Variants in HYAL1 observed in about 807,000 individuals in gnomAD.
The protein encoded by HYAL1 is hyaluronidase 1.
A neutral mutation model predicts 28.8 loss-of-function variants in HYAL1; 21 were observed. That is an observed-to-expected ratio of 0.73 (90% CI 0.52 to 1.05). HYAL1 has a LOEUF of 1.05. Ranked by LOEUF, HYAL1 falls within the 50% of genes least tolerant of loss-of-function variation. The pLI is 0.00. For missense variants in HYAL1, 491 were observed against 579.2 expected (o/e 0.85, Z 1.56); for synonymous variants, 200 against 230.1 (o/e 0.87, Z 1.18).
upstream of HYAL1, among the ~76,000 whole-genome samples, chr3:50,305,762 C>A (rs1702325206): frequency 6.6e-6 from 1 of 151,240 alleles, no homozygotes; most frequent in Admixed American, 6.6e-5. Flanking sequence ...TCTTGAACTC[C>A]TGACCTTGTG....
chr3:50,301,195 G>A, intron 2 of HYAL1, 118 bp from the exon 3 acceptor site: 4 of 660,770 alleles, frequency 6.1e-6, no homozygotes, highest in South Asian at 5.5e-5. Context: ...CTCTGGCCAT[G>A]GGACCAGAGG....
intron 2 of HYAL1, among the ~76,000 whole-genome samples, chr3:50,301,757 C>A (rs1351370869): frequency 6.6e-6 from 1 of 152,054 alleles, no homozygotes; most frequent in Non-Finnish European, 1.5e-5. Flanking sequence ...TTGAGACCAT[C>A]CTGGCTAACA....
At chr3:50,307,775 G>A (rs1456930255), upstream of HYAL1, among the ~76,000 whole-genome samples, 2 of 147,820 alleles carry the variant, frequency 1.4e-5, no homozygotes, top group East Asian at 3.9e-4. Context: ...AACAGTCAGT[G>A]TAAGTCACAA....
intron 1 of HYAL1, among the ~76,000 whole-genome samples, chr3:50,311,174 C>T (rs1553714700): frequency 6.6e-6 from 1 of 151,306 alleles, no homozygotes. Flanking sequence ...CCAGTAGGGG[C>T]AGCCGGGCAG....
upstream of HYAL1, chr3:50,303,652 G>A (rs1346928974): frequency 1.3e-5 from 2 of 152,322 alleles, no homozygotes; most frequent in Non-Finnish European, 2.9e-5. Flanking sequence ...GCGGGCCTTG[G>A]ATTAGGAGGC....
intron 1 of HYAL1, among the ~76,000 whole-genome samples, chr3:50,310,635 G>A (rs1160874606): frequency 7.4e-5 from 11 of 147,914 alleles, no homozygotes; most frequent in South Asian, 2.2e-4. Context: ...TCATTCTTGG[G>A]TGTTTCTCGC....
At position 50,309,232 on chromosome 3, in the gene HYAL1, G is replaced by A. The variant is rs149535060; in HGVS notation, c.-191+427C>T. ...TAATCCCAGCACTTTGGGAGGCCAAGGTGGGCAAATCACCTGAGGTTGTGA... is the reference window on the plus strand; with the variant it reads ...TAATCCCAGCACTTTGGGAGGCCAAAGTGGGCAAATCACCTGAGGTTGTGA... On this transcript the variant is annotated intron_variant, in intron 2 of 5. Transcript: ENST00000320295. 9.6e-3 allele frequency among the ~76,000 whole-genome samples: 1,442 copies of A among 149,618 alleles called. 98 individuals carry two copies. The highest frequency in any genetic ancestry group is 0.035 in the African/African-American group (1,383 of 39,964).
chr3:50,305,596 C>T (rs1158469514), upstream of HYAL1, among the ~76,000 whole-genome samples: 3 of 142,572 alleles, frequency 2.1e-5, no homozygotes, highest in Non-Finnish European at 4.6e-5. Flanking sequence ...AGTGCAATGG[C>T]ATGATCTCGG....
rs782484163 is a variant in HYAL1 at position 50,302,870 on chromosome 3, G to T, written c.87C>A (p.Asn29Lys). Residue 29 changes from asparagine to lysine, a missense_variant, in exon 2 of 4, where the codon AAC becomes AAA. Physicochemically the swap from Asn to Lys is moderately conservative, Grantham distance 94. Coordinates refer to ENST00000395144, the MANE Select transcript of HYAL1 (RefSeq NM_033159.4). The surrounding 1 kb of genome is among the most constrained non-coding windows in gnomAD (Gnocchi z 5.0). ...CATTCCAGACGGTGGTGAAGGGCCGGTTGGGTAGCAAGGGGCCCCTAAAGC... is the reference window on the plus strand; with the variant it reads ...CATTCCAGACGGTGGTGAAGGGCCGTTTGGGTAGCAAGGGGCCCCTAAAGC... ...AQGFRGPLLP[N>K]RPFTTVWNAN... is the part of the protein sequence containing the mutation. The T allele has an allele frequency of 5.0e-6, 8 of 1,613,214 alleles. No homozygotes were observed. In the Admixed American group the frequency reaches 5.0e-5, roughly 10 times the overall value.
chr3:50,311,997 G>A (rs1278931498), intron 1 of HYAL1, among the ~76,000 whole-genome samples: 1 of 142,560 alleles, frequency 7.0e-6, no homozygotes, highest in Non-Finnish European at 1.6e-5. Context: ...TCTCCCGGAC[G>A]GGGCGGCTGG....
At chr3:50,310,272 T>G (rs1239980164) in intron 1 of HYAL1, among the ~76,000 whole-genome samples, 2 of 149,458 alleles carry the variant, frequency 1.3e-5, no homozygotes, top group African/African-American at 2.5e-5. Context: ...TGTGTTTTTT[T>G]TTTTTTTTTT....
chr3:50,300,971 G>A lies in HYAL1; in HGVS notation c.990+17C>T. 2.5e-6 allele frequency: 3 copies of A among 1,218,296 alleles called. No individual in the cohort carries two copies. The highest frequency in any genetic ancestry group is 3.4e-6 in the Non-Finnish European group (3 of 884,218). The allele number at this position is 1,218,296 out of a possible 1,614,324, so 75.5% of individuals were successfully genotyped here. A position where few individuals can be genotyped will look rare whatever the true frequency, so the allele number is the denominator to read the frequency against. ...ACCCCTCCCCCACCCCCACCCTCAT[G>A]CCAGGCCTAAGCTCACCTTGGTTCT... On this transcript the variant is annotated intron_variant, in intron 3 of 3. Transcript: ENST00000395144.
chr3:50,300,552 A>G lies in HYAL1; in HGVS notation c.1239T>C (p.Ala413=), dbSNP rs1553712410. ...ALSLEDQAQM[A]VEFKCRCYPG... ...GGTAGCATCGACATTTGAACTCCAC[A>G]GCCATCTGTGCCTGATCTTCAAGTG... The change falls in exon 4 of 4, where the codon GCT becomes GCC. Residue 413 remains alanine, a synonymous_variant. Coordinates refer to ENST00000395144, the MANE Select transcript of HYAL1 (RefSeq NM_033159.4). 6.2e-7 allele frequency: 1 copy of G among 1,614,220 alleles called. No individual in the cohort carries two copies. Among genetic ancestry groups the G allele is most frequent in the South Asian group, 1.1e-5 (1 of 91,088 alleles).
At chr3:50,306,292 C>A (rs782655926), upstream of HYAL1, among the ~76,000 whole-genome samples, 2 of 137,760 alleles carry the variant, frequency 1.5e-5, no homozygotes, top group East Asian at 4.6e-4. Flanking sequence ...GCTTCCATGA[C>A]GATGGAAGGC....
At chr3:50,308,462 T>A (rs1047987837), upstream of HYAL1, among the ~76,000 whole-genome samples, 5 of 149,772 alleles carry the variant, frequency 3.3e-5, no homozygotes, top group Admixed American at 2.0e-4. Context: ...TATTATTATT[T>A]TTTGAGATGG....
At chr3:50,305,545 A>AT (rs1252898503), upstream of HYAL1, among the ~76,000 whole-genome samples, 20 of 104,838 alleles carry the variant, frequency 1.9e-4, no homozygotes, top group African/African-American at 7.2e-4. Flanking sequence ...GCCTGGCCTA[A>AT]TTTTTTTTTA....
At chr3:50,306,940 C>T (rs782685781), upstream of HYAL1, among the ~76,000 whole-genome samples, 4 of 150,692 alleles carry the variant, frequency 2.7e-5, no homozygotes, top group African/African-American at 2.5e-5. Context: ...CATGGTGGCC[C>T]ACACCTATAA....
Position 50,302,733 on chromosome 3 carries a change from T to C in HYAL1, c.224A>G (p.Tyr75Cys), listed in dbSNP as rs1553713357. 2 of 1,613,972 alleles carry C rather than the reference T, an allele frequency of 1.2e-6. No individual in the cohort carries two copies. Among genetic ancestry groups the C allele is most frequent in the East Asian group, 2.2e-5 (1 of 44,880 alleles). ...TFRGPDMTIF[Y>C]SSQLGTYPYY... Reference sequence around the variant, plus strand: ...GGGGTAGGTGCCCAGCTGGGAGCTATAGAAAATTGTCATGTCAGGGCCGCG... The same window carrying C: ...GGGGTAGGTGCCCAGCTGGGAGCTACAGAAAATTGTCATGTCAGGGCCGCG... Residue 75 changes from tyrosine to cysteine, a missense_variant, in exon 2 of 4, where the codon TAT (tyrosine) becomes TGT (cysteine). Coordinates refer to ENST00000395144, the MANE Select transcript of HYAL1 (RefSeq NM_033159.4). This position sits in a 1 kb window ranked among gnomAD's most constrained non-coding sequence, Gnocchi z 5.0.
At position 50,302,874 on chromosome 3, in the gene HYAL1, G is replaced by C; in HGVS notation, c.83C>G (p.Pro28Arg). 6.2e-7 allele frequency: 1 copy of C among 1,612,988 alleles called. No individual in the cohort carries two copies. The change falls in exon 2 of 4, where the codon CCC becomes CGC. Residue 28 changes from proline to arginine, a missense_variant. Physicochemically the swap from Pro to Arg is moderately radical, Grantham distance 103 (BLOSUM62 -2). Transcript: ENST00000395144. The surrounding 1 kb of genome is among the most constrained non-coding windows in gnomAD (Gnocchi z 5.0). ...CCAGACGGTGGTGAAGGGCCGGTTG[G>C]GTAGCAAGGGGCCCCTAAAGCCTTG... ...MAQGFRGPLL[P>R]NRPFTTVWNA...
Sources: gnomAD v4.1 joint callset for allele counts (sites outside exome capture counted in the v4.1 genomes callset) on GRCh38, gnomAD v4.1.1 for gene constraint, Gnocchi (gnomAD v3.1) non-coding constraint, MANE v1.5 for transcripts, NCBI Gene and HGNC (gene_info 2026-07-23, HGNC 2026-07-21) for gene names.